Variants in STARD9 observed in about 807,000 individuals in gnomAD.
STARD9 encodes the protein stAR-related lipid transfer protein 9.
STARD9 carries 346 observed loss-of-function variants against 399.8 expected under a neutral mutation model. The ratio of observed to expected loss-of-function variants is 0.87; its 90% CI spans 0.79 to 0.95. The LOEUF is 0.95. Among genes scored for constraint, STARD9 ranks in the 40% least tolerant of loss-of-function variants. The pLI, the probability that STARD9 is intolerant of heterozygous loss-of-function variation, is 0.00. For synonymous variants in STARD9, 2,203 were observed against 2,143.5 expected (o/e 1.03, Z -0.77); for missense variants, 5,832 against 5,667.5 (o/e 1.03, Z -0.93).
intron 26 of STARD9, among the ~76,000 whole-genome samples, chr15:42,701,992 C>CAAAAAA (rs57444195): frequency 4.4e-5 from 2 of 44,994 alleles, no homozygotes; most frequent in Admixed American, 2.8e-4. Context: ...GACTCTGACT[C>CAAAAAA]AAAAAAAAAA....
rs568149220 is a variant in STARD9, at chr15:42,719,936, G to A, written c.*362G>A. On this transcript the variant is annotated 3_prime_UTR_variant, in exon 33 of 33. Transcript: ENST00000290607. The stretch of plus-strand genomic sequence containing the variant: ...AGCCAGCAGAGCCGGGGACTGCAGT[G>A]CTTTGGCAAGGTGCTTCCGCAGGCT... 251 of 186,162 alleles carry A rather than the reference G, an allele frequency of 1.3e-3. 2 individuals carry two copies. Among genetic ancestry groups the A allele is most frequent in the African/African-American group, 5.5e-3 (233 of 42,716 alleles). The allele number at this position is 186,162 out of a possible 1,614,324, so 11.5% of individuals were successfully genotyped here.
intron 4 of STARD9, 68 bp downstream of exon 4, chr15:42,635,040 T>A (rs2059393857): frequency 4.0e-6 from 3 of 752,798 alleles, no homozygotes; most frequent in Non-Finnish European, 6.2e-6. Flanking sequence ...TCCTTACTAC[T>A]GTGAGACAGA....
rs1380641463 is a variant in STARD9 at position 42,634,918 on chromosome 15, T to G, written c.297T>G (p.Leu99=). 3 of 1,536,980 alleles carry G rather than the reference T, an allele frequency of 2.0e-6. No individual in the cohort carries two copies. The highest frequency in any genetic ancestry group is 2.6e-6 in the Non-Finnish European group (3 of 1,146,776). Reference sequence around the variant, plus strand: ...TTGCCAAAGGCTATAACATATGCCTTTTTGCTTATGGACAGACAGGCTCTG... The same window carrying G: ...TTGCCAAAGGCTATAACATATGCCTGTTTGCTTATGGACAGACAGGCTCTG... The part of the protein sequence containing the change: ...SGVAKGYNIC[L]FAYGQTGSGK... The change falls in exon 4 of 33, where the codon CTT becomes CTG. Residue 99 remains leucine, a synonymous_variant. Transcript: ENST00000290607.
chr15:42,686,906 C>A lies in STARD9; in HGVS notation c.5328C>A (p.Pro1776=), dbSNP rs777816091. ...CREVRVPSPP[P]REAWGFGHNH... ...AAGTAAGGGTACCCTCCCCACCCCC[C>A]AGGGAAGCCTGGGGCTTTGGTCACA... Residue 1776 remains proline, a synonymous_variant, in exon 23 of 33, where the codon CCC becomes CCA. Coordinates refer to ENST00000290607, the MANE Select transcript of STARD9 (RefSeq NM_020759.3). The A allele has an allele frequency of 1.1e-4, 174 of 1,536,694 alleles. No individual in the cohort carries two copies. The highest frequency in any genetic ancestry group is 1.4e-4 in the Non-Finnish European group (163 of 1,146,856).
rs1443277491 is a variant in STARD9, at chr15:42,719,553, G to A, written c.14082G>A (p.Leu4694=). 1.3e-6 allele frequency: 2 copies of A among 1,536,488 alleles called. No homozygotes were observed. Among genetic ancestry groups the A allele is most frequent in the African/African-American group, 2.7e-5 (2 of 73,014 alleles). ...GGCAGCCACTGGTTATAGCCAGACTGGCTTCCTTCCTTGGTAGGTAGCATC... is the reference window on the plus strand; with the variant it reads ...GGCAGCCACTGGTTATAGCCAGACTAGCTTCCTTCCTTGGTAGGTAGCATC... The part of the protein sequence containing the change: ...IKRQPLVIAR[L]ASFLGR The change falls in exon 33 of 33, where the codon CTG becomes CTA. Residue 4694 remains leucine (L), a synonymous_variant. Transcript: ENST00000290607.
Position 42,719,559 on chromosome 15 carries a change from C to G in STARD9, c.14088C>G (p.Ser4696=), listed in dbSNP as rs1373434708. 2.0e-6 allele frequency: 3 copies of G among 1,536,068 alleles called. No homozygotes were observed. The highest frequency in any genetic ancestry group is 2.6e-6 in the Non-Finnish European group (3 of 1,145,868). The change falls in exon 33 of 33, where the codon TCC becomes TCG. Residue 4696 remains serine (S), a synonymous_variant. Transcript: ENST00000290607. The part of the protein sequence containing the change: ...RQPLVIARLA[S]FLGR ...CACTGGTTATAGCCAGACTGGCTTC[C>G]TTCCTTGGTAGGTAGCATCTCACCG...
chr15:42,652,390 T>G, intron 8 of STARD9, 130 bp from the exon 9 acceptor site: 1 of 764,930 alleles, frequency 1.3e-6, no homozygotes, highest in Non-Finnish European at 2.2e-6. Flanking sequence ...GATACTGGAC[T>G]AAATATGTGT....
intron 9 of STARD9, among the ~76,000 whole-genome samples, chr15:42,659,869 T>A (rs1432775953): frequency 6.6e-6 from 1 of 152,172 alleles, no homozygotes; most frequent in Non-Finnish European, 1.5e-5. Context: ...CCAGCAATTC[T>A]ACTCTTAGGT....
At chr15:42,662,994 T>C in intron 11 of STARD9, 103 bp downstream of exon 11, 1 of 923,884 alleles carries the variant, frequency 1.1e-6, no homozygotes, top group South Asian at 1.5e-5. Flanking sequence ...TTTGATAAGG[T>C]TACCTTCTGG....
chr15:42,708,733 G>A (rs1431266090), intron 26 of STARD9, among the ~76,000 whole-genome samples: 1 of 151,512 alleles, frequency 6.6e-6, no homozygotes, highest in African/African-American at 2.4e-5. Flanking sequence ...GTTTGAGAGA[G>A]GCACTTCTGA....
chr15:42,663,142 A>G, intron 11 of STARD9, 139 bp from the exon 12 acceptor site: 2 of 872,718 alleles, frequency 2.3e-6, no homozygotes, highest in African/African-American at 1.7e-5. Context: ...GTCTTTAGGA[A>G]TACCTAAAAT....
At chr15:42,662,541 A>C (rs12903726) in intron 10 of STARD9, among the ~76,000 whole-genome samples, 2,246 of 152,360 alleles carry the variant, frequency 0.015, 37 homozygotes, top group Non-Finnish European at 0.021. Flanking sequence ...TACATTTAGC[A>C]TAAAGTGTTC....
intron 16 of STARD9, 88 bp from the exon 17 acceptor site, chr15:42,674,352 C>A: frequency 9.6e-7 from 1 of 1,044,846 alleles, no homozygotes; most frequent in Non-Finnish European, 1.4e-6. Flanking sequence ...GCTGGGAAGA[C>A]AGTGAGAATA....
At chr15:42,575,921 C>G (rs1009274634) in intron 1 of STARD9, among the ~76,000 whole-genome samples, 159 bp downstream of exon 1, 1 of 152,194 alleles carries the variant, frequency 6.6e-6, no homozygotes, top group Non-Finnish European at 1.5e-5. Context: ...CGGGACGGGA[C>G]CTCAGTCGAG....
Position 42,691,531 on chromosome 15 carries a change from C to G in STARD9, c.9953C>G (p.Ser3318Cys). The change falls in exon 23 of 33, where the codon TCC (serine) becomes TGC (cysteine). Residue 3318 changes from serine to cysteine, a missense_variant. Coordinates refer to ENST00000290607, the MANE Select transcript of STARD9 (RefSeq NM_020759.3). Reference protein sequence around the residue: ...VTTIFSGPKHSRSSPTPQFSV... With the variant: ...VTTIFSGPKHCRSSPTPQFSV... Reference sequence around the variant, plus strand: ...ACAATCTTCTCTGGCCCCAAACACTCCAGGTCCTCCCCCACACCACAGTTC... The same window carrying G: ...ACAATCTTCTCTGGCCCCAAACACTGCAGGTCCTCCCCCACACCACAGTTC... 3.9e-6 allele frequency: 6 copies of G among 1,537,264 alleles called. No individual in the cohort carries two copies. The highest frequency in any genetic ancestry group is 5.2e-6 in the Non-Finnish European group (6 of 1,146,910).
chr15:42,689,497 C>T lies in STARD9; in HGVS notation c.7919C>T (p.Thr2640Ile). 1.3e-6 allele frequency: 2 copies of T among 1,537,304 alleles called. No individual in the cohort carries two copies. The highest frequency in any genetic ancestry group is 2.4e-5 in the South Asian group (2 of 84,058). ...CCTGATGAGAGGAAAGTCCAGGCCACATCTCTGTCTGCAGACAGCTTTGAA... is the reference window on the plus strand; with the variant it reads ...CCTGATGAGAGGAAAGTCCAGGCCATATCTCTGTCTGCAGACAGCTTTGAA... Reference protein sequence around the residue: ...LLPDERKVQATSLSADSFESL... With the variant: ...LLPDERKVQAISLSADSFESL... Residue 2640 changes from threonine to isoleucine, a missense_variant, in exon 23 of 33, where the codon ACA becomes ATA. Thr to Ile is a moderately conservative substitution (Grantham distance 89, BLOSUM62 -1). Transcript: ENST00000290607.
At chr15:42,665,226 G>T (rs1260241283) in intron 13 of STARD9, 27 bp from the exon 14 acceptor site, 19 of 1,520,106 alleles carry the variant, frequency 1.2e-5, no homozygotes, top group Non-Finnish European at 1.6e-5. Context: ...ATAACAATCA[G>T]TGGTGATGGA....
intron 16 of STARD9, chr15:42,669,601 C>G: frequency 3.0e-6 from 1 of 331,156 alleles, no homozygotes; most frequent in Non-Finnish European, 5.6e-6. Context: ...TACTTTTGTT[C>G]TCTTTGCCTT....
In STARD9 at chr15:42,691,124, G is replaced by A. The variant is rs2060685237; in HGVS notation, c.9546G>A (p.Arg3182=). 1.3e-6 allele frequency: 2 copies of A among 1,537,132 alleles called. No homozygotes were observed. Among genetic ancestry groups the A allele is most frequent in the Admixed American group, 2.0e-5 (1 of 50,998 alleles). ...AGCCACAATTTTCCACTGAGTTGAG[G>A]GATCACAATCGCTTGGATTCCCAAG... The part of the protein sequence containing the change: ...LEKPQFSTEL[R]DHNRLDSQAK... The change falls in exon 23 of 33, where the codon AGG becomes AGA. Residue 3182 remains arginine, a synonymous_variant. Transcript: ENST00000290607.
Sources: gnomAD v4.1 joint callset for allele counts (sites outside exome capture counted in the v4.1 genomes callset) on GRCh38, gnomAD v4.1.1 for gene constraint, MANE v1.5 for transcripts, NCBI Gene and HGNC (gene_info 2026-07-23, HGNC 2026-07-21) for gene names.